Variants in WDR11 observed in about 807,000 individuals in gnomAD.
WDR11 encodes the protein WD repeat domain 11.
Under a neutral mutation model 151.2 loss-of-function variants are expected in WDR11, and 83 were observed. That is an observed-to-expected ratio of 0.55 (90% confidence interval 0.46 to 0.66). The LOEUF is 0.66. WDR11 is among the 30% of genes least tolerant of loss of function. WDR11 has a pLI of 0.00. For synonymous variants in WDR11, 484 were observed against 533.1 expected (o/e 0.91, Z 1.27); for missense variants, 1,301 against 1,480.9 (o/e 0.88, Z 1.99).
intron 27 of WDR11, chr10:120,906,481 T>G: frequency 7.8e-7 from 1 of 1,288,388 alleles, no homozygotes; most frequent in East Asian, 3.7e-5. Context: ...GACAAAAGAT[T>G]ACTTGTCAAC....
chr10:120,904,559 T>C (rs1040461556), intron 24 of WDR11, 87 bp from the exon 25 acceptor site: 5 of 1,523,668 alleles, frequency 3.3e-6, no homozygotes, highest in Admixed American at 3.5e-5. Flanking sequence ...AATGAGTGTT[T>C]TCCTTTAGTT....
At position 120,885,895 on chromosome 10, in the gene WDR11, G is replaced by A. The variant is rs926801292; in HGVS notation, c.1930G>A (p.Val644Ile). The A allele has an allele frequency of 6.2e-7, 1 of 1,613,744 alleles. No homozygotes were observed. Among genetic ancestry groups the A allele is most frequent in the African/African-American group, 1.3e-5 (1 of 74,916 alleles). The change falls in exon 15 of 29, where the codon GTC (valine) becomes ATC (isoleucine). Residue 644 changes from valine (V) to isoleucine (I), a missense_variant. Physicochemically the swap from Val to Ile is conservative, Grantham distance 29. This residue lies in a region of WDR11 where 20 missense variants were observed against 47.8 expected (regional missense o/e 0.42). Transcript: ENST00000263461. ...TREAMARQTVVSDTELSIVES... is the reference protein window; with the variant it reads ...TREAMARQTVISDTELSIVES... ...AGAGGCCATGGCCCGCCAGACCGTA[G>A]TCTCAGACACAGAGCTGAGTATTGT...
At chr10:120,858,525 C>A in intron 2 of WDR11, 118 bp from the exon 3 acceptor site, 1 of 1,247,750 alleles carries the variant, frequency 8.0e-7, no homozygotes, top group Non-Finnish European at 1.1e-6. Context: ...TCTGTTTATT[C>A]TTGCTAAATG....
intron 17 of WDR11, 57 bp downstream of exon 17, chr10:120,889,241 T>G (rs537613004): frequency 1.5e-5 from 20 of 1,305,404 alleles, no homozygotes; most frequent in Middle Eastern, 1.9e-4. Flanking sequence ...TGAAATCTTT[T>G]TGTTTTGTTT....
rs1554854820 is a variant in WDR11, at chr10:120,874,185, T to TG, written c.1556+262_1556+263insG. On this transcript the variant is annotated intron_variant, in intron 11 of 28. Transcript: ENST00000263461. ...AATTGCGGTTTTTGCAGTTTTTTTTTTTTTTTTGTTGTTGTTGTTGTTGTT... is the reference window on the plus strand; with the variant it reads ...AATTGCGGTTTTTGCAGTTTTTTTTTGTTTTTTTGTTGTTGTTGTTGTTGTT... Among the ~76,000 whole-genome samples, 184 of 64,480 alleles carry TG rather than the reference T, an allele frequency of 2.9e-3. 5 individuals carry two copies. The highest frequency in any genetic ancestry group is 7.9e-3 in the African/African-American group (163 of 20,534). 42.3% of individuals were successfully genotyped at this position (64,480 alleles called of 152,430 possible). A position where few individuals can be genotyped will look rare whatever the true frequency, so the allele number is the denominator to read the frequency against.
At chr10:120,883,489 T>C (rs946044244) in intron 13 of WDR11, among the ~76,000 whole-genome samples, 11 of 152,156 alleles carry the variant, frequency 7.2e-5, no homozygotes, top group Middle Eastern at 3.2e-3. Flanking sequence ...GTGTGAGAAG[T>C]TGAGCCTCAG....
rs1251101954 is a variant in WDR11 at position 120,880,753 on chromosome 10, A to G, written c.1664-73A>G. Reference sequence around the variant, plus strand: ...GGATGGGTAGGACTGATCAAATTACATTGGCGTGGCTTCTTGTTTTTCATA... The same window carrying G: ...GGATGGGTAGGACTGATCAAATTACGTTGGCGTGGCTTCTTGTTTTTCATA... On this transcript the variant is annotated intron_variant, in intron 12 of 28. Coordinates refer to ENST00000263461, the MANE Select transcript of WDR11 (RefSeq NM_018117.12). 4.6e-6 allele frequency: 6 copies of G among 1,292,132 alleles called. No individual in the cohort carries two copies. In the Admixed American group the frequency reaches 9.8e-5, roughly 21 times the overall value. 80.0% of individuals were successfully genotyped at this position (1,292,132 alleles called of 1,614,324 possible). A position where few individuals can be genotyped will look rare whatever the true frequency, so the allele number is the denominator to read the frequency against.
chr10:120,856,205 T>C (rs1046493070), intron 2 of WDR11: 1 of 152,222 alleles, frequency 6.6e-6, no homozygotes, highest in Non-Finnish European at 1.5e-5. Context: ...TATTTCACCT[T>C]TGTTTTCGAA....
intron 5 of WDR11, among the ~76,000 whole-genome samples, chr10:120,863,737 C>T (rs1846216685): frequency 6.6e-6 from 1 of 152,116 alleles, no homozygotes; most frequent in Admixed American, 6.5e-5. Flanking sequence ...AGATTACTCT[C>T]TCTAGGCTTG....
At chr10:120,890,502 C>T (rs1847395859) in intron 18 of WDR11, among the ~76,000 whole-genome samples, 1 of 152,228 alleles carries the variant, frequency 6.6e-6, no homozygotes, top group South Asian at 2.1e-4. Flanking sequence ...GCGTCAGCCA[C>T]CGCGCCCAGC....
chr10:120,890,121 C>G, intron 18 of WDR11, 112 bp downstream of exon 18: 1 of 724,772 alleles, frequency 1.4e-6, no homozygotes, highest in East Asian at 2.7e-5. Context: ...ATGAGTTCGT[C>G]AAGTTTCCCA....
In WDR11 at chr10:120,861,500, G is replaced by C. The variant is rs79148108; in HGVS notation, c.526+1218G>C. On this transcript the variant is annotated intron_variant, in intron 4 of 28. Coordinates refer to ENST00000263461, the MANE Select transcript of WDR11 (RefSeq NM_018117.12). Reference sequence around the variant, plus strand: ...GGCATCACAAAAGAAGGAAGCAAAGGGGACCTTGAAGGATGAGTTCTGGAA... The same window carrying C: ...GGCATCACAAAAGAAGGAAGCAAAGCGGACCTTGAAGGATGAGTTCTGGAA... Among the ~76,000 whole-genome samples, 594 of 152,276 alleles carry C rather than the reference G, an allele frequency of 3.9e-3. 4 individuals are homozygous for C. Among genetic ancestry groups the C allele is most frequent in the African/African-American group, 0.014 (567 of 41,540 alleles).
At position 120,874,184 on chromosome 10, in the gene WDR11, T is replaced by G. The variant is rs918717135; in HGVS notation, c.1556+261T>G. 1.4e-4 allele frequency among the ~76,000 whole-genome samples: 9 copies of G among 62,338 alleles called. 1 individual carries two copies. The highest frequency in any genetic ancestry group is 2.9e-4 in the Non-Finnish European group (8 of 27,236). The allele number at this position is 62,338 out of a possible 152,430, so 40.9% of individuals were successfully genotyped here. Reference sequence around the variant, plus strand: ...TAATTGCGGTTTTTGCAGTTTTTTTTTTTTTTTTGTTGTTGTTGTTGTTGT... The same window carrying G: ...TAATTGCGGTTTTTGCAGTTTTTTTGTTTTTTTTGTTGTTGTTGTTGTTGT... On this transcript the variant is annotated intron_variant, in intron 11 of 28. Coordinates refer to ENST00000263461, the MANE Select transcript of WDR11 (RefSeq NM_018117.12).
Position 120,851,518 on chromosome 10 carries a change from G to A in WDR11, c.86+12G>A, listed in dbSNP as rs1845770876. 1 of 1,607,742 alleles carries A rather than the reference G, an allele frequency of 6.2e-7. No individual in the cohort carries two copies. The highest frequency in any genetic ancestry group is 8.5e-7 in the Non-Finnish European group (1 of 1,178,128). ...GCGGCGGTGGACTGGTGAGGACGCC[G>A]AGCTTCCAGGTCGCCAGGATCGGCC... On this transcript the variant is annotated intron_variant, in intron 1 of 28. Coordinates refer to ENST00000263461, the MANE Select transcript of WDR11 (RefSeq NM_018117.12).
In WDR11 at chr10:120,890,794, A is replaced by G; in HGVS notation, c.2422A>G (p.Lys808Glu). 1.2e-6 allele frequency: 2 copies of G among 1,614,226 alleles called. No homozygotes were observed. Among genetic ancestry groups the G allele is most frequent in the Non-Finnish European group, 8.5e-7 (1 of 1,180,044 alleles). Residue 808 changes from lysine (K) to glutamate (E), a missense_variant, in exon 19 of 29, where the codon AAA becomes GAA. Around this residue, in one of 3 missense-constraint regions of WDR11, gnomAD observed 589 missense variants for 670.6 expected, o/e 0.88. Transcript: ENST00000263461. ...ILDVDWCTSD[K>E]VILASDDGCI... Reference sequence around the variant, plus strand: ...GGATGTGGACTGGTGTACGTCAGATAAAGTGATCTTGGCCTCAGATGATGG... The same window carrying G: ...GGATGTGGACTGGTGTACGTCAGATGAAGTGATCTTGGCCTCAGATGATGG...
At chr10:120,898,086 A>G (rs1450210217) in intron 19 of WDR11, among the ~76,000 whole-genome samples, 1 of 152,202 alleles carries the variant, frequency 6.6e-6, no homozygotes, top group Non-Finnish European at 1.5e-5. Context: ...CATTTTAAAA[A>G]GTAAAAAGAG....
intron 9 of WDR11, among the ~76,000 whole-genome samples, chr10:120,867,807 A>G (rs868793965): frequency 1.3e-5 from 2 of 152,210 alleles, no homozygotes; most frequent in African/African-American, 4.8e-5. Flanking sequence ...GAATAAAGTA[A>G]CTGAGCAGTA....
At chr10:120,858,491 T>C (rs1846025405) in intron 2 of WDR11, 152 bp from the exon 3 acceptor site, 1 of 902,464 alleles carries the variant, frequency 1.1e-6, no homozygotes, top group Admixed American at 2.3e-5. Flanking sequence ...ACACAAATGC[T>C]GCCTTCAAAA....
Position 120,905,914 on chromosome 10 carries a change from G to A in WDR11, c.3330G>A (p.Arg1110=). The change falls in exon 27 of 29, where the codon AGG becomes AGA. Residue 1110 remains arginine, a synonymous_variant. Coordinates refer to ENST00000263461, the MANE Select transcript of WDR11 (RefSeq NM_018117.12). Reference sequence around the variant, plus strand: ...CTGAGGAGTGTGCCGATGTTTTAAGGCGGTGGGTTGACCACCTTTGTTCTC... The same window carrying A: ...CTGAGGAGTGTGCCGATGTTTTAAGACGGTGGGTTGACCACCTTTGTTCTC... ...LNPEECADVL[R]RWVDHLCSPQ... 2.5e-6 allele frequency: 4 copies of A among 1,614,102 alleles called. No homozygotes were observed. The highest frequency in any genetic ancestry group is 3.4e-6 in the Non-Finnish European group (4 of 1,180,034).
Sources: allele counts gnomAD v4.1 joint callset (sites outside exome capture counted in the v4.1 genomes callset), GRCh38; gene constraint gnomAD v4.1.1; regional missense constraint gnomAD v4.1.1; transcripts MANE v1.5; gene names NCBI Gene and HGNC (gene_info 2026-07-23, HGNC 2026-07-21).